The following RUBCN variants were observed in gnomAD, a reference collection of about 807,000 sequenced individuals.
RUBCN encodes the protein run domain Beclin-1-interacting and cysteine-rich domain-containing protein.
RUBCN carries 74 observed loss-of-function variants against 113.2 expected under a neutral mutation model. The observed-to-expected ratio is 0.65, with a 90% CI of 0.54 to 0.79. The LOEUF (loss-of-function observed/expected upper bound fraction) is 0.79. Ranked by LOEUF, RUBCN falls within the 30% of genes least tolerant of loss-of-function variation. RUBCN has a pLI of 0.00. For missense variants in RUBCN, 1,109 were observed against 1,251.7 expected, an observed-to-expected ratio of 0.89 and a Z score of 1.72; for synonymous variants, 480 against 490.0, an observed-to-expected ratio of 0.98 and a Z score of 0.27.
chr3:197,734,354 G>T (rs1481450928), intron 1 of RUBCN, among the ~76,000 whole-genome samples: 1 of 148,718 alleles, frequency 6.7e-6, no homozygotes, highest in Non-Finnish European at 1.5e-5. Flanking sequence ...AGAATATCTT[G>T]AGCCCAGGAG....
Position 197,675,077 on chromosome 3 carries a change from A to G in RUBCN, c.2860T>C (p.Tyr954His). Reference protein sequence around the residue: ...RQSLESYLSDYEEEPAEALAL... With the variant: ...RQSLESYLSDHEEEPAEALAL... ...AGCGCTTCCGCGGGCTCCTCCTCGT[A>G]GTCTGACAGGTAAGACTCCAGGCTC... The change falls in exon 20 of 20, where the codon TAC (tyrosine) becomes CAC (histidine). Residue 954 changes from tyrosine to histidine, a missense_variant. Physicochemically the swap from Tyr to His is moderately conservative, Grantham distance 83 (BLOSUM62 2). Transcript: ENST00000296343. This position sits in a 1 kb window ranked among gnomAD's most constrained non-coding sequence, Gnocchi z 4.4. The G allele has an allele frequency of 6.2e-7, 1 of 1,613,416 alleles. No individual in the cohort carries two copies. The highest frequency in any genetic ancestry group is 8.5e-7 in the Non-Finnish European group (1 of 1,179,936).
intron 1 of RUBCN, among the ~76,000 whole-genome samples, chr3:197,725,294 TTTC>T (rs1310811076): frequency 1.3e-5 from 2 of 152,044 alleles, no homozygotes; most frequent in Admixed American, 6.6e-5. Context: ...GTGTTTAATG[TTTC>T]TTCTTATCTG....
intron 1 of RUBCN, among the ~76,000 whole-genome samples, chr3:197,729,340 C>G (rs1302540304): frequency 6.6e-6 from 1 of 151,966 alleles, no homozygotes; most frequent in Non-Finnish European, 1.5e-5. Flanking sequence ...ACAAGTTCTG[C>G]CTCCCGGGCT....
rs768400067 is a variant in RUBCN, at chr3:197,694,517, C to T, written c.1542G>A (p.Met514Ile). Residue 514 changes from methionine to isoleucine, a missense_variant, in exon 10 of 20, where the codon ATG becomes ATA. By Grantham distance (10) the Met-to-Ile change is conservative. Around this residue, in one of 3 missense-constraint regions of RUBCN, gnomAD observed 736 missense variants for 779.6 expected, o/e 0.94. Transcript: ENST00000296343. Reference sequence around the variant, plus strand: ...CTTCCTCCTCCTCTAGGCACTGGCTCATCATGTTGCACTTCATTAGCTCGA... The same window carrying T: ...CTTCCTCCTCCTCTAGGCACTGGCTTATCATGTTGCACTTCATTAGCTCGA... Reference protein sequence around the residue: ...AAIELMKCNMMSQCLEEEEVE... With the variant: ...AAIELMKCNMISQCLEEEEVE... 4.3e-6 allele frequency: 7 copies of T among 1,614,222 alleles called. No homozygotes were observed. The highest frequency in any genetic ancestry group is 5.9e-6 in the Non-Finnish European group (7 of 1,180,030).
At chr3:197,692,596 T>C (rs987543896) in intron 11 of RUBCN, among the ~76,000 whole-genome samples, 2 of 151,996 alleles carry the variant, frequency 1.3e-5, no homozygotes, top group African/African-American at 4.8e-5. Context: ...AGAGCTAAAT[T>C]GTAAGTCACC....
chr3:197,682,785 T>C (rs1474996500), intron 13 of RUBCN, among the ~76,000 whole-genome samples, 170 bp from the exon 14 acceptor site: 1 of 152,058 alleles, frequency 6.6e-6, no homozygotes, highest in Non-Finnish European at 1.5e-5. Flanking sequence ...TGACAGAGCA[T>C]AATGAGTGAA....
chr3:197,700,157 C>T (rs1201737631), intron 7 of RUBCN, among the ~76,000 whole-genome samples: 1 of 152,160 alleles, frequency 6.6e-6, no homozygotes, highest in Non-Finnish European at 1.5e-5. Flanking sequence ...ATCGCATCAC[C>T]CTGCACTCAC....
chr3:197,745,498 C>T (rs1251993466), intron 1 of RUBCN, among the ~76,000 whole-genome samples: 4 of 151,470 alleles, frequency 2.6e-5, no homozygotes, highest in Non-Finnish European at 4.4e-5. Context: ...GCCTGAAATC[C>T]CAGCTACTTG....
Position 197,675,075 on chromosome 3 carries a change from G to A in RUBCN, c.2862C>T (p.Tyr954=), listed in dbSNP as rs369069485. 543 of 1,613,384 alleles carry A rather than the reference G, an allele frequency of 3.4e-4. No homozygotes were observed. Among genetic ancestry groups the A allele is most frequent in the South Asian group, 4.9e-4 (45 of 91,084 alleles). Residue 954 remains tyrosine (Y), a synonymous_variant, in exon 20 of 20, where the codon TAC becomes TAT. Coordinates refer to ENST00000296343, the MANE Select transcript of RUBCN (RefSeq NM_014687.4). This position sits in a 1 kb window ranked among gnomAD's most constrained non-coding sequence, Gnocchi z 4.4. ...CCAGCGCTTCCGCGGGCTCCTCCTC[G>A]TAGTCTGACAGGTAAGACTCCAGGC... The part of the protein sequence containing the change: ...RQSLESYLSD[Y]EEEPAEALAL...
At chr3:197,748,619 T>C (rs187540080) in intron 1 of RUBCN, among the ~76,000 whole-genome samples, 1 of 152,362 alleles carries the variant, frequency 6.6e-6, no homozygotes, top group East Asian at 1.9e-4. Flanking sequence ...TGAAGACTCC[T>C]GGTTTTATCC....
At chr3:197,678,101 G>T (rs1720667816) in intron 16 of RUBCN, among the ~76,000 whole-genome samples, 1 of 139,294 alleles carries the variant, frequency 7.2e-6, no homozygotes, top group African/African-American at 3.0e-5. Flanking sequence ...ACTGACAACT[G>T]GCTTCAGACT....
At chr3:197,721,496 C>A (rs920881567) in intron 1 of RUBCN, among the ~76,000 whole-genome samples, 1 of 151,718 alleles carries the variant, frequency 6.6e-6, no homozygotes, top group African/African-American at 2.4e-5. Context: ...GTCTTTTTTC[C>A]CCCTTGGTCT....
intron 9 of RUBCN, 107 bp from the exon 10 acceptor site, chr3:197,694,692 A>C: frequency 1.0e-6 from 1 of 961,812 alleles, no homozygotes; most frequent in Non-Finnish European, 1.6e-6. Flanking sequence ...TTCCTGCCAA[A>C]AACACCCTGG....
chr3:197,675,502 T>C lies in RUBCN; in HGVS notation c.2660A>G (p.Lys887Arg). Residue 887 changes from lysine (K) to arginine (R), a missense_variant, in exon 19 of 20, where the codon AAA becomes AGA. Lys to Arg is a conservative substitution (Grantham distance 26, BLOSUM62 2). This residue lies in a region of RUBCN where 306 missense variants were observed against 348.9 expected (regional missense o/e 0.88). Transcript: ENST00000296343. The surrounding 1 kb of genome is among the most constrained non-coding windows in gnomAD (Gnocchi z 4.4). The part of the protein sequence containing the change: ...HVERCMLCQA[K>R]GFICEFCQNE... Reference sequence around the variant, plus strand: ...CTGACAGAACTCACAGATGAAGCCTTTGGCTTGGCAGAGCTGGGGAGGAAA... The same window carrying C: ...CTGACAGAACTCACAGATGAAGCCTCTGGCTTGGCAGAGCTGGGGAGGAAA... 1 of 1,613,914 alleles carries C rather than the reference T, an allele frequency of 6.2e-7. No homozygotes were observed. Among genetic ancestry groups the C allele is most frequent in the Non-Finnish European group, 8.5e-7 (1 of 1,179,874 alleles).
At chr3:197,717,102 C>T (rs1457376828) in intron 2 of RUBCN, among the ~76,000 whole-genome samples, 3 of 151,672 alleles carry the variant, frequency 2.0e-5, no homozygotes. Flanking sequence ...GCCTGGGTGA[C>T]AGAGCGAGAC....
exon 1 of RUBCN, chr3:197,749,475 G>T: frequency 7.8e-7 from 1 of 1,275,672 alleles, no homozygotes. Flanking sequence ...GTGCCAGGGA[G>T]GGGGGAGCTG....
In RUBCN at chr3:197,681,977, T is replaced by C; in HGVS notation, c.2127-78A>G. 1.9e-6 allele frequency: 2 copies of C among 1,053,054 alleles called. No individual in the cohort carries two copies. Among genetic ancestry groups the C allele is most frequent in the East Asian group, 2.4e-5 (1 of 42,172 alleles). The allele number at this position is 1,053,054 out of a possible 1,614,324, so 65.2% of individuals were successfully genotyped here. ...GGAGGTGTGAAGGAGTGAGCACACA[T>C]ACATACAGCTCCAGTTAAGTATGGG... is the stretch of plus-strand genomic sequence containing the variant. On this transcript the variant is annotated intron_variant, in intron 14 of 19. Transcript: ENST00000296343. The surrounding 1 kb of genome is among the most constrained non-coding windows in gnomAD (Gnocchi z 5.5).
At chr3:197,734,675 A>G (rs1408056911) in intron 1 of RUBCN, among the ~76,000 whole-genome samples, 1 of 152,232 alleles carries the variant, frequency 6.6e-6, no homozygotes, top group East Asian at 1.9e-4. Context: ...TAAAAAAATA[A>G]CTAACCCAGC....
intron 18 of RUBCN, chr3:197,676,309 C>T: frequency 1.0e-6 from 1 of 998,182 alleles, no homozygotes; most frequent in Non-Finnish European, 1.2e-6. Context: ...CCAGAGCTCT[C>T]CTCTCACATC....
Sources: gnomAD v4.1 joint callset for allele counts (sites outside exome capture counted in the v4.1 genomes callset) on GRCh38, gnomAD v4.1.1 for gene constraint, gnomAD v4.1.1 regional missense constraint, Gnocchi (gnomAD v3.1) non-coding constraint, MANE v1.5 for transcripts, NCBI Gene and HGNC (gene_info 2026-07-23, HGNC 2026-07-21) for gene names.